CELSR1: variants seen among roughly 807,000 people sequenced by gnomAD.
CELSR1 encodes cadherin EGF LAG seven-pass G-type receptor 1.
A neutral mutation model predicts 249.1 loss-of-function variants in CELSR1; 110 were observed. The ratio of observed to expected loss-of-function variants is 0.44; its 90% CI spans 0.38 to 0.52. The LOEUF is 0.52. Ranked by LOEUF, CELSR1 falls within the 20% of genes least tolerant of loss-of-function variation. The pLI is 0.00. For synonymous variants in CELSR1, 2,113 were observed against 1,900.0 expected (o/e 1.11, Z -2.92); for missense variants, 4,109 against 4,296.4 (o/e 0.96, Z 1.22).
At chr22:46,513,065 T>C (rs990769161) in intron 1 of CELSR1, among the ~76,000 whole-genome samples, 1 of 152,170 alleles carries the variant, frequency 6.6e-6, no homozygotes, top group Admixed American at 6.5e-5. Context: ...TAGGAGGCCA[T>C]TTAACCAGTG....
intron 2 of CELSR1, among the ~76,000 whole-genome samples, chr22:46,459,055 G>GTTAA (rs112370929): frequency 0.16 from 23,717 of 151,814 alleles, 2,094 homozygotes; most frequent in Admixed American, 0.29. Context: ...ACCACACCTG[G>GTTAA]TTTTTTGTAT....
chr22:46,385,565 A>G (rs568268341), intron 19 of CELSR1, among the ~76,000 whole-genome samples: 49 of 151,736 alleles, frequency 3.2e-4, no homozygotes, highest in Non-Finnish European at 5.9e-4. Flanking sequence ...ATGGCCCAAC[A>G]TCTCCCTAGC....
intron 18 of CELSR1, 151 bp from the exon 19 acceptor site, chr22:46,386,736 T>G: frequency 1.7e-6 from 1 of 602,834 alleles, no homozygotes; most frequent in East Asian, 3.5e-5. Context: ...ATATTAGTTG[T>G]TTTTTGTTTT....
chr22:46,399,707 G>A lies in CELSR1; in HGVS notation c.5412+10C>T. The A allele has an allele frequency of 6.2e-7, 1 of 1,613,542 alleles. No individual in the cohort carries two copies. Among genetic ancestry groups the A allele is most frequent in the Non-Finnish European group, 8.5e-7 (1 of 1,179,484 alleles). ...GTCTATCCCCAGAGGAGGTGCAGGT[G>A]CCAGCTCACCTGGTCCATCCCATAG... On this transcript the variant is annotated intron_variant, in intron 10 of 34. Transcript: ENST00000674500. The surrounding 1 kb of genome is among the most constrained non-coding windows in gnomAD (Gnocchi z 5.0).
chr22:46,482,791 A>G (rs1184530079), intron 1 of CELSR1, among the ~76,000 whole-genome samples: 1 of 152,206 alleles, frequency 6.6e-6, no homozygotes, highest in African/African-American at 2.4e-5. Flanking sequence ...CAGAAGACCA[A>G]TAGGTCAAGA....
rs2080160741 is a variant in CELSR1, at chr22:46,472,021, A to G, written c.3545-7676T>C. ...CCGGGAGGCACGGCACCCACCCAGC[A>G]CTCTCTCTGCCCGTGCTCCAGGCAT... On this transcript the variant is annotated intron_variant, in intron 1 of 34. Transcript: ENST00000674500. The surrounding 1 kb of genome is among the most constrained non-coding windows in gnomAD (Gnocchi z 7.0). Among the ~76,000 whole-genome samples the G allele has an allele frequency of 6.6e-6, 1 of 151,338 alleles. No homozygotes were observed. Among genetic ancestry groups the G allele is most frequent in the Admixed American group, 6.6e-5 (1 of 15,210 alleles).
At chr22:46,462,895 G>T (rs754468690) in intron 2 of CELSR1, 69 of 468,668 alleles carry the variant, frequency 1.5e-4, no homozygotes, top group Non-Finnish European at 2.6e-4. Flanking sequence ...ATCTTCAGAG[G>T]CGGGAGGATG....
At chr22:46,394,660 C>T (rs750046263) in intron 13 of CELSR1, among the ~76,000 whole-genome samples, 15 of 152,176 alleles carry the variant, frequency 9.9e-5, no homozygotes, top group Non-Finnish European at 1.6e-4. Flanking sequence ...ATGAGATGCC[C>T]GCAGGAAGCT....
At position 46,384,804 on chromosome 22, in the gene CELSR1, T is replaced by C. The variant is rs1391131604; in HGVS notation, c.6740-118A>G. ...TGGCTGGCCATATTTATTTATTTAT[T>C]TTTGAGGTGGAGTCTCGCAGTGTCT... On this transcript the variant is annotated intron_variant, in intron 19 of 34. Coordinates refer to ENST00000674500, the MANE Select transcript of CELSR1 (RefSeq NM_001378328.1). 4.3e-6 allele frequency: 5 copies of C among 1,168,992 alleles called. No homozygotes were observed. In the East Asian group the frequency reaches 1.3e-4, roughly 31 times the overall value. The allele number at this position is 1,168,992 out of a possible 1,614,324, so 72.4% of individuals were successfully genotyped here.
intron 1 of CELSR1, among the ~76,000 whole-genome samples, chr22:46,528,619 T>C (rs775860280): frequency 6.6e-6 from 1 of 152,160 alleles, no homozygotes; most frequent in Non-Finnish European, 1.5e-5. Flanking sequence ...TATACCATGG[T>C]GTACTATTCC....
Position 46,439,397 on chromosome 22 carries a change from C to T in CELSR1, c.4198G>A (p.Val1400Met). Residue 1400 changes from valine (V) to methionine (M), a missense_variant, in exon 3 of 35, where the codon GTG becomes ATG. Val to Met is a conservative substitution (Grantham distance 21). Transcript: ENST00000674500. ...GCACAGCGGCCTGAGCGGGCATCCACCTCACAGTGCTCTCCTGGGGGGCGA... is the reference window on the plus strand; with the variant it reads ...GCACAGCGGCCTGAGCGGGCATCCATCTCACAGTGCTCTCCTGGGGGGCGA... ...FEDFTGEHCE[V>M]DARSGRCANG... The T allele has an allele frequency of 3.1e-6, 5 of 1,612,914 alleles. No individual in the cohort carries two copies. Among genetic ancestry groups the T allele is most frequent in the Non-Finnish European group, 4.2e-6 (5 of 1,179,884 alleles).
chr22:46,514,481 CCAGT>C (rs909164309), intron 1 of CELSR1, among the ~76,000 whole-genome samples: 11 of 152,160 alleles, frequency 7.2e-5, no homozygotes, highest in African/African-American at 2.4e-4. Context: ...CCTCTGGCTG[CCAGT>C]CAGTCAGAAC....
At chr22:46,485,593 C>A (rs2080305313) in intron 1 of CELSR1, among the ~76,000 whole-genome samples, 1 of 152,242 alleles carries the variant, frequency 6.6e-6, no homozygotes, top group African/African-American at 2.4e-5. Flanking sequence ...ATCTGGCTGG[C>A]TGAGCATCTC....
intron 1 of CELSR1, among the ~76,000 whole-genome samples, chr22:46,521,430 G>A (rs532724533): frequency 2.4e-4 from 37 of 151,242 alleles, no homozygotes; most frequent in African/African-American, 5.8e-4. Context: ...GCATGAACCC[G>A]GGAGGCGGAG....
At chr22:46,414,591 A>C (rs1487841426) in intron 5 of CELSR1, among the ~76,000 whole-genome samples, 2 of 152,106 alleles carry the variant, frequency 1.3e-5, no homozygotes, top group African/African-American at 2.4e-5. Flanking sequence ...CTAACCGTCC[A>C]CTCTCCCGCC....
Position 46,433,438 on chromosome 22 carries a change from C to G in CELSR1, c.4566G>C (p.Val1522=), listed in dbSNP as rs760066051. The change falls in exon 5 of 35, where the codon GTG becomes GTC. Residue 1522 remains valine, a synonymous_variant. Coordinates refer to ENST00000674500, the MANE Select transcript of CELSR1 (RefSeq NM_001378328.1). This position sits in a 1 kb window ranked among gnomAD's most constrained non-coding sequence, Gnocchi z 5.7. ...GCACAGAGTGCCACCGCCCGTCACTCACACCACTGGGAACCTTCGGTGCCA... is the reference window on the plus strand; with the variant it reads ...GCACAGAGTGCCACCGCCCGTCACTGACACCACTGGGAACCTTCGGTGCCA... ...TTVAPKVPSG[V]SDGRWHSVQV... 4.3e-6 allele frequency: 7 copies of G among 1,614,066 alleles called. No homozygotes were observed. Among genetic ancestry groups the G allele is most frequent in the Non-Finnish European group, 5.9e-6 (7 of 1,179,978 alleles).
At chr22:46,460,622 G>C (rs1316469173) in intron 2 of CELSR1, among the ~76,000 whole-genome samples, 1 of 152,200 alleles carries the variant, frequency 6.6e-6, no homozygotes, top group African/African-American at 2.4e-5. Context: ...GCCCGTGTTT[G>C]CCTCTCAGGG....
chr22:46,501,193 C>T (rs1268780378), intron 1 of CELSR1, among the ~76,000 whole-genome samples: 5 of 137,738 alleles, frequency 3.6e-5, no homozygotes, highest in Admixed American at 3.2e-4. Context: ...CCATCATGCC[C>T]GGCTAATTTT....
Position 46,436,199 on chromosome 22 carries a change from C to T in CELSR1, c.4497G>A (p.Glu1499=). ...HDFIALEIVD[E]QVQLTFSAGE... ...CTGCAGAGAAGGTGAGCTGCACCTG[C>T]TCGTCCACGATCTCCAGGGCGATGA... Residue 1499 remains glutamate (E), a synonymous_variant, in exon 4 of 35, where the codon GAG becomes GAA. Coordinates refer to ENST00000674500, the MANE Select transcript of CELSR1 (RefSeq NM_001378328.1). This position sits in a 1 kb window ranked among gnomAD's most constrained non-coding sequence, Gnocchi z 5.9. 1.9e-6 allele frequency: 3 copies of T among 1,612,008 alleles called. No individual in the cohort carries two copies. The highest frequency in any genetic ancestry group is 1.7e-6 in the Non-Finnish European group (2 of 1,178,244).
Sources: allele counts gnomAD v4.1 joint callset (sites outside exome capture counted in the v4.1 genomes callset), GRCh38; gene constraint gnomAD v4.1.1; non-coding constraint Gnocchi (gnomAD v3.1); transcripts MANE v1.5; gene names NCBI Gene and HGNC (gene_info 2026-07-23, HGNC 2026-07-21).